LY75: variants seen among roughly 807,000 people sequenced by gnomAD.
LY75 encodes C-type lectin domain family 13 member B.
In LY75, 185 loss-of-function variants were observed where a neutral mutation model predicts 231.7. The ratio of observed to expected loss-of-function variants is 0.80; its 90% CI spans 0.71 to 0.90. LY75 has a LOEUF of 0.90. Ranked by LOEUF, LY75 falls within the 40% of genes least tolerant of loss-of-function variation. The pLI, the probability that LY75 is intolerant of heterozygous loss-of-function variation, is 0.00. For missense variants in LY75, 1,947 were observed against 2,050.2 expected (o/e 0.95, Z 0.97); for synonymous variants, 668 against 689.0 (o/e 0.97, Z 0.48).
chr2:159,865,047 T>C, intron 13 of LY75, 127 bp from the exon 14 acceptor site: 1 of 736,588 alleles, frequency 1.4e-6, no homozygotes, highest in Non-Finnish European at 2.0e-6. Flanking sequence ...TCTTTTGAAA[T>C]GAAACTAAGC....
chr2:159,825,907 AC>A (rs1425149370), intron 28 of LY75, among the ~76,000 whole-genome samples: 1 of 152,164 alleles, frequency 6.6e-6, no homozygotes, highest in Non-Finnish European at 1.5e-5. Flanking sequence ...AAAATTCAAC[AC>A]CCCTTCATGC....
chr2:159,894,688 G>C (rs1264171086), intron 2 of LY75, among the ~76,000 whole-genome samples: 6 of 152,190 alleles, frequency 3.9e-5, no homozygotes, highest in Non-Finnish European at 8.8e-5. Flanking sequence ...TTCTTGGGAA[G>C]GTACAAGGCA....
At chr2:159,815,693 AT>A (rs1683103309) in intron 30 of LY75, 120 bp from the exon 31 acceptor site, 1 of 1,265,536 alleles carries the variant, frequency 7.9e-7, no homozygotes, top group African/African-American at 1.5e-5. Flanking sequence ...TGCTTACAGT[AT>A]TGTAGGTCTG....
rs955650099 is a variant in LY75, at chr2:159,853,640, G to A, written c.2653C>T (p.His885Tyr). 36 of 1,613,318 alleles carry A rather than the reference G, an allele frequency of 2.2e-5. No individual in the cohort carries two copies. The highest frequency in any genetic ancestry group is 2.9e-5 in the Non-Finnish European group (34 of 1,179,826). The change falls in exon 19 of 35, where the codon CAT becomes TAT. Residue 885 changes from histidine to tyrosine, a missense_variant. Physicochemically the swap from His to Tyr is moderately conservative, Grantham distance 83. Coordinates refer to ENST00000263636, the MANE Select transcript of LY75 (RefSeq NM_002349.4). The stretch of plus-strand genomic sequence containing the variant: ...AATGATGTCACCTACTATGTAAAAT[G>A]ATCATCTATTGGCCACTCGCTAATT... ...IRISEWPIDD[H>Y]FTYSRYPWHR...
chr2:159,880,408 A>G (rs760241625), intron 8 of LY75, among the ~76,000 whole-genome samples: 23 of 152,206 alleles, frequency 1.5e-4, no homozygotes, highest in Non-Finnish European at 2.6e-4. Context: ...CTGAACATGA[A>G]TTTGGAAGAT....
chr2:159,851,406 C>CA (rs1684397975), intron 21 of LY75, among the ~76,000 whole-genome samples: 1 of 152,074 alleles, frequency 6.6e-6, no homozygotes, highest in Non-Finnish European at 1.5e-5. Flanking sequence ...CCAAGCTACC[C>CA]AATGTGGACA....
At chr2:159,829,272 A>G (rs1004535424) in intron 28 of LY75, among the ~76,000 whole-genome samples, 11 of 152,174 alleles carry the variant, frequency 7.2e-5, no homozygotes, top group African/African-American at 2.7e-4. Flanking sequence ...TTGCTGCTTT[A>G]TATCATCTCA....
intron 32 of LY75, 128 bp downstream of exon 32, chr2:159,810,398 A>G: frequency 8.0e-7 from 1 of 1,257,688 alleles, no homozygotes; most frequent in Non-Finnish European, 1.1e-6. Flanking sequence ...ATTAGTTTAT[A>G]GCGCTATTAG....
chr2:159,820,047 T>C (rs1189363573), intron 28 of LY75, 127 bp from the exon 29 acceptor site: 4 of 800,650 alleles, frequency 5.0e-6, no homozygotes, highest in Non-Finnish European at 7.1e-6. Flanking sequence ...TGTATGATTA[T>C]GTATAACCCT....
At chr2:159,900,490 T>C (rs531000516) in intron 1 of LY75, among the ~76,000 whole-genome samples, 4 of 152,344 alleles carry the variant, frequency 2.6e-5, no homozygotes, top group African/African-American at 9.6e-5. Flanking sequence ...AAATTTTGGT[T>C]CCCAAAAGGC....
rs34020639 is a variant in LY75, at chr2:159,872,571, A to G, written c.1997T>C (p.Val666Ala). ...AGCTTCTTCCCAGTTCCTCTTTCTTACAATTCTTTCTGCATGGAATACCTT... is the reference window on the plus strand; with the variant it reads ...AGCTTCTTCCCAGTTCCTCTTTCTTGCAATTCTTTCTGCATGGAATACCTT... ...CYKVFHAERIVRKRNWEEAER... is the reference protein window; with the variant it reads ...CYKVFHAERIARKRNWEEAER... Residue 666 changes from valine to alanine, a missense_variant, in exon 13 of 35, where the codon GTA becomes GCA. Physicochemically the swap from Val to Ala is moderately conservative, Grantham distance 64 (BLOSUM62 0). Coordinates refer to ENST00000263636, the MANE Select transcript of LY75 (RefSeq NM_002349.4). 2.1e-3 allele frequency: 3,367 copies of G among 1,613,756 alleles called. 53 individuals carry two copies. In the African/African-American group the frequency reaches 0.04, roughly 19 times the overall value.
rs889025425 is a variant in LY75, at chr2:159,855,786, C to T, written c.2384-847G>A. On this transcript the variant is annotated intron_variant, in intron 16 of 34. Coordinates refer to ENST00000263636, the MANE Select transcript of LY75 (RefSeq NM_002349.4). ...TGGGAGCCTATTTGCGTTCCTCCCC[C>T]TTTTCATTCTGGCCACAGATCACAC... Among the ~76,000 whole-genome samples the T allele has an allele frequency of 3.9e-5, 6 of 152,298 alleles. No individual in the cohort carries two copies. In the South Asian group the frequency reaches 8.3e-4, roughly 21 times the overall value.
rs1433664454 is a variant in LY75, at chr2:159,814,650, T to C, written c.4549+755A>G. ...AGTCTGGGCAACAGAGCTGAAACCC[T>C]GTCAAAAAAAAAAAAAGAAAAAGAA... On this transcript the variant is annotated intron_variant, in intron 31 of 34. Transcript: ENST00000263636. Among the ~76,000 whole-genome samples the C allele has an allele frequency of 6.4e-5, 7 of 110,058 alleles. No homozygotes were observed. In the East Asian group the frequency reaches 1.9e-3, roughly 29 times the overall value. The allele number at this position is 110,058 out of a possible 152,430, so 72.2% of individuals were successfully genotyped here.
intron 29 of LY75, among the ~76,000 whole-genome samples, chr2:159,819,486 C>A (rs1302943888): frequency 6.6e-6 from 1 of 151,976 alleles, no homozygotes; most frequent in Non-Finnish European, 1.5e-5. Context: ...AATCTAAGAC[C>A]AATTTACATT....
chr2:159,861,865 C>T (rs1448702355), intron 14 of LY75, among the ~76,000 whole-genome samples: 1 of 152,090 alleles, frequency 6.6e-6, no homozygotes, highest in Non-Finnish European at 1.5e-5. Context: ...GCTTTGAAAA[C>T]AATCACTTGT....
chr2:159,899,717 T>G (rs1384720457), intron 1 of LY75, among the ~76,000 whole-genome samples: 2 of 152,224 alleles, frequency 1.3e-5, no homozygotes, highest in African/African-American at 2.4e-5. Flanking sequence ...TAAAGACCAC[T>G]TCCCCCTAGA....
intron 6 of LY75, 113 bp from the exon 7 acceptor site, chr2:159,882,428 A>T (rs1685464855): frequency 7.1e-7 from 1 of 1,412,204 alleles, no homozygotes; most frequent in South Asian, 1.4e-5. Flanking sequence ...TGGGGACGTG[A>T]TGTCAGATGC....
At chr2:159,886,271 G>A in intron 5 of LY75, 149 bp downstream of exon 5, 2 of 804,774 alleles carry the variant, frequency 2.5e-6, no homozygotes, top group Non-Finnish European at 3.5e-6. Flanking sequence ...CCACAATTAA[G>A]AATGGTTTAG....
chr2:159,885,287 G>C lies in LY75; in HGVS notation c.920C>G (p.Pro307Arg), dbSNP rs780171761. 83 of 1,612,454 alleles carry C rather than the reference G, an allele frequency of 5.1e-5. No individual in the cohort carries two copies. The highest frequency in any genetic ancestry group is 6.7e-5 in the Non-Finnish European group (79 of 1,179,182). The change falls in exon 6 of 35, where the codon CCC becomes CGC. Residue 307 changes from proline (P) to arginine (R), a missense_variant. By Grantham distance (103) the Pro-to-Arg change is moderately radical. Transcript: ENST00000263636. Reference sequence around the variant, plus strand: ...GGAGCCACCTATAGTAGGTGCACTGGGCCTGTCTTAAAAGGGAACATTTTT... The same window carrying C: ...GGAGCCACCTATAGTAGGTGCACTGCGCCTGTCTTAAAAGGGAACATTTTT... Reference protein sequence around the residue: ...LNFLNWDPDRPSAPTIGGSSC... With the variant: ...LNFLNWDPDRRSAPTIGGSSC...
Sources: gnomAD v4.1 joint callset for allele counts (sites outside exome capture counted in the v4.1 genomes callset) on GRCh38, gnomAD v4.1.1 for gene constraint, MANE v1.5 for transcripts, NCBI Gene and HGNC (gene_info 2026-07-23, HGNC 2026-07-21) for gene names.